The following ADAM9 variants were observed in gnomAD, a reference collection of about 807,000 sequenced individuals.
ADAM9 encodes the protein disintegrin and metalloproteinase domain-containing protein 9.
ADAM9 carries 54 observed loss-of-function variants against 108.1 expected under a neutral mutation model. The observed-to-expected ratio is 0.50, with a 90% CI of 0.40 to 0.63. ADAM9 has a LOEUF of 0.63. Ranked by LOEUF, ADAM9 falls within the 20% of genes least tolerant of loss-of-function variation. The pLI, the probability that ADAM9 is intolerant of heterozygous loss-of-function variation, is 0.00. For synonymous variants in ADAM9, 316 were observed against 336.0 expected (o/e 0.94, Z 0.65); for missense variants, 830 against 997.7 (o/e 0.83, Z 2.26).
At chr8:39,020,878 A>C (rs988689108) in intron 7 of ADAM9, among the ~76,000 whole-genome samples, 3 of 102,632 alleles carry the variant, frequency 2.9e-5, no homozygotes, top group African/African-American at 1.2e-4. Flanking sequence ...TTGCTCAACT[A>C]AATTCTGTTA....
At chr8:39,005,340 T>C (rs1836127410) in intron 1 of ADAM9, among the ~76,000 whole-genome samples, 1 of 152,210 alleles carries the variant, frequency 6.6e-6, no homozygotes, top group African/African-American at 2.4e-5. Context: ...AGATTAATAA[T>C]TAATAAGTGT....
rs2129430134 is a variant in ADAM9, at chr8:38,997,014, C to A, written c.-50C>A. The A allele has an allele frequency of 6.3e-7, 1 of 1,587,536 alleles. No individual in the cohort carries two copies. Among genetic ancestry groups the A allele is most frequent in the Non-Finnish European group, 8.5e-7 (1 of 1,171,808 alleles). On this transcript the variant is annotated 5_prime_UTR_variant, in exon 1 of 22. Coordinates refer to ENST00000487273, the MANE Select transcript of ADAM9 (RefSeq NM_003816.3). Reference sequence around the variant, plus strand: ...CAGGGTTGGAAAATGATGGAAGAGGCGGAGGTGGAGGCGACCGAGTGCTGA... The same window carrying A: ...CAGGGTTGGAAAATGATGGAAGAGGAGGAGGTGGAGGCGACCGAGTGCTGA...
At position 39,012,940 on chromosome 8, in the gene ADAM9, G is replaced by GATA. The variant is rs553204047; in HGVS notation, c.255-1014_255-1012dup. Among the ~76,000 whole-genome samples, 125 of 152,024 alleles carry GATA rather than the reference G, an allele frequency of 8.2e-4. 2 individuals are homozygous for GATA. The East Asian group carries it at 0.023, about 28-fold the overall frequency. On this transcript the variant is annotated intron_variant, in intron 3 of 21. Coordinates refer to ENST00000487273, the MANE Select transcript of ADAM9 (RefSeq NM_003816.3). ...TACACATGTACCCTAGAACTTAAAG[G>GATA]ATAATAATAATAAAAAAATATATAG...
chr8:39,092,433 A>G (rs755780085), intron 20 of ADAM9, among the ~76,000 whole-genome samples: 2 of 152,010 alleles, frequency 1.3e-5, no homozygotes, highest in African/African-American at 2.4e-5. Flanking sequence ...TTAACCATGT[A>G]TCTTGGAGAT....
chr8:39,043,073 T>A (rs1238343043), intron 12 of ADAM9, among the ~76,000 whole-genome samples: 1 of 152,246 alleles, frequency 6.6e-6, no homozygotes, highest in Non-Finnish European at 1.5e-5. Flanking sequence ...AAGTTTCATC[T>A]ACGTTATTGC....
In ADAM9 at chr8:39,090,051, G is replaced by A. The variant is rs1459555791; in HGVS notation, c.2073G>A (p.Met691Ile). 1 of 1,613,820 alleles carries A rather than the reference G, an allele frequency of 6.2e-7. No individual in the cohort carries two copies. The highest frequency in any genetic ancestry group is 1.7e-5 in the Admixed American group (1 of 60,004). ...ATGTAAAATTCTTCTCTCTAGAAAT[G>A]AATACTGCATTGAGGGACGGACTTC... ...SVDSGPTYNE[M>I]NTALRDGLLV... The change falls in exon 19 of 22, where the codon ATG becomes ATA. Residue 691 changes from methionine to isoleucine, a missense_variant. Met to Ile is a conservative substitution (Grantham distance 10). Around this residue, in one of 3 missense-constraint regions of ADAM9, gnomAD observed 238 missense variants for 235.7 expected, o/e 1.01. Coordinates refer to ENST00000487273, the MANE Select transcript of ADAM9 (RefSeq NM_003816.3).
At chr8:39,042,168 A>G in intron 12 of ADAM9, 51 bp downstream of exon 12, 1 of 1,604,068 alleles carries the variant, frequency 6.2e-7, no homozygotes. Context: ...GATATTTGCA[A>G]GAAATAAAAT....
At chr8:39,004,944 G>C (rs1226647322) in intron 1 of ADAM9, among the ~76,000 whole-genome samples, 1 of 152,166 alleles carries the variant, frequency 6.6e-6, no homozygotes, top group East Asian at 1.9e-4. Context: ...CAAAGTCTCT[G>C]TGACTTGTAT....
rs561830753 is a variant in ADAM9, at chr8:39,025,466, C to T, written c.915-337C>T. ...CCCGTGTAAACATATTCATTTCATT[C>T]GTTATCTGTCTCTCCTCACTAAAAT... On this transcript the variant is annotated intron_variant, in intron 9 of 21. Transcript: ENST00000487273. 5.9e-5 allele frequency among the ~76,000 whole-genome samples: 9 copies of T among 152,226 alleles called. No homozygotes were observed. The East Asian group carries it at 1.5e-3, about 26-fold the overall frequency.
At chr8:39,001,592 T>G (rs1835992749) in intron 1 of ADAM9, among the ~76,000 whole-genome samples, 2 of 151,958 alleles carry the variant, frequency 1.3e-5, no homozygotes, top group Non-Finnish European at 2.9e-5. Context: ...TGGGTAAATA[T>G]TTAAGAAAAG....
chr8:39,099,554 T>A (rs965463811), intron 20 of ADAM9, among the ~76,000 whole-genome samples: 7 of 152,212 alleles, frequency 4.6e-5, no homozygotes, highest in African/African-American at 1.4e-4. Context: ...AAAAACAGGT[T>A]GTTTCCAGTC....
At chr8:38,997,366 C>G (rs1015353781) in intron 1 of ADAM9, among the ~76,000 whole-genome samples, 1 of 152,104 alleles carries the variant, frequency 6.6e-6, no homozygotes, top group Non-Finnish European at 1.5e-5. Flanking sequence ...GGCCCGGGTC[C>G]TCTGCCCGGC....
chr8:39,102,215 T>C (rs1388886895), intron 21 of ADAM9, among the ~76,000 whole-genome samples: 1 of 152,054 alleles, frequency 6.6e-6, no homozygotes, highest in Admixed American at 6.6e-5. Context: ...TAACCAGCAG[T>C]AGGAAACCAG....
chr8:38,998,374 T>G (rs1383365884), intron 1 of ADAM9, among the ~76,000 whole-genome samples: 3 of 150,104 alleles, frequency 2.0e-5, no homozygotes, highest in African/African-American at 7.3e-5. Flanking sequence ...CGATTATACA[T>G]CCGGAGTTTT....
intron 18 of ADAM9, among the ~76,000 whole-genome samples, chr8:39,087,940 T>C (rs1368500369): frequency 6.6e-6 from 1 of 152,196 alleles, no homozygotes; most frequent in East Asian, 1.9e-4. Flanking sequence ...TTGATTACCA[T>C]AGATTTTGTC....
At chr8:39,096,951 GA>G (rs1326990536) in intron 20 of ADAM9, among the ~76,000 whole-genome samples, 4 of 152,080 alleles carry the variant, frequency 2.6e-5, no homozygotes, top group African/African-American at 7.2e-5. Context: ...ACATCATTAT[GA>G]TGGTAATTTT....
intron 3 of ADAM9, 77 bp downstream of exon 3, chr8:39,011,793 G>T (rs1055153828): frequency 1.5e-6 from 2 of 1,339,932 alleles, no homozygotes; most frequent in Non-Finnish European, 1.1e-6. Context: ...AGTTTGATAT[G>T]GTTTAGTGGA....
At position 39,104,436 on chromosome 8, in the gene ADAM9, A is replaced by G. The variant is rs1839800915; in HGVS notation, c.*736A>G. On this transcript the variant is annotated 3_prime_UTR_variant, in exon 22 of 22. Transcript: ENST00000487273. Reference sequence around the variant, plus strand: ...ATTATGAATCATGTGAAAGCATGACATTCGTTCACAATAGCACTATTTTAA... The same window carrying G: ...ATTATGAATCATGTGAAAGCATGACGTTCGTTCACAATAGCACTATTTTAA... 9.4e-6 allele frequency: 4 copies of G among 427,010 alleles called. No homozygotes were observed. The highest frequency in any genetic ancestry group is 1.9e-5 in the Non-Finnish European group (4 of 213,000). The allele number at this position is 427,010 out of a possible 1,614,324, so 26.5% of individuals were successfully genotyped here. A position where few individuals can be genotyped will look rare whatever the true frequency, so the allele number is the denominator to read the frequency against.
chr8:39,039,373 A>G (rs977925729), intron 11 of ADAM9, among the ~76,000 whole-genome samples: 5 of 152,250 alleles, frequency 3.3e-5, no homozygotes, highest in African/African-American at 9.6e-5. Context: ...TAACACATCC[A>G]TCATTCCACA....
Sources: gnomAD v4.1 joint callset for allele counts (sites outside exome capture counted in the v4.1 genomes callset) on GRCh38, gnomAD v4.1.1 for gene constraint, gnomAD v4.1.1 regional missense constraint, MANE v1.5 for transcripts, NCBI Gene and HGNC (gene_info 2026-07-23, HGNC 2026-07-21) for gene names.